SLC44A5: variants seen among roughly 807,000 people sequenced by gnomAD.
SLC44A5 encodes the protein choline transporter-like protein 5.
SLC44A5 carries 57 observed loss-of-function variants against 101.8 expected under a neutral mutation model. The ratio of observed to expected loss-of-function variants is 0.56; its 90% confidence interval spans 0.45 to 0.70. SLC44A5 has a LOEUF of 0.70. Among genes scored for constraint, SLC44A5 ranks in the 30% least tolerant of loss-of-function variants. The pLI, the probability that SLC44A5 is intolerant of heterozygous loss-of-function variation, is 0.00. For missense variants in SLC44A5, 737 were observed against 853.1 expected (o/e 0.86, Z 1.70); for synonymous variants, 281 against 290.9 (o/e 0.97, Z 0.35).
At chr1:75,665,470 T>C in the SLC44A5 span, among the ~76,000 whole-genome samples, 7 of 152,184 alleles carry the variant, frequency 4.6e-5, no homozygotes, top group African/African-American at 1.7e-4. Context: ...GGATGAAATA[T>C]TTAAATGTAA....
At chr1:75,223,765 G>A (rs1647138171) in intron 13 of SLC44A5, among the ~76,000 whole-genome samples, 1 of 152,110 alleles carries the variant, frequency 6.6e-6, no homozygotes, top group Admixed American at 6.5e-5. Flanking sequence ...GGTATACGAA[G>A]ATCTTAGTAA....
chr1:75,251,222 G>T lies in SLC44A5; in HGVS notation c.333C>A (p.Cys111Ter). The change falls in exon 7 of 24, where the codon TGC becomes TGA. Residue 111 changes from cysteine (C) to a stop codon, truncating the protein, a stop_gained. Coordinates refer to ENST00000370859, the MANE Select transcript of SLC44A5 (RefSeq NM_001130058.2). LOFTEE classifies it high-confidence loss of function. ...TSPSVLLNLQ[C>*]PTTQICVSKC... ...CCTTTTGCCTTACCTGTGTGGTAGG[G>T]CACTGTAGGTTTAGCAACACGGAGG... 6.2e-7 allele frequency: 1 copy of T among 1,612,728 alleles called. No individual in the cohort carries two copies. The highest frequency in any genetic ancestry group is 8.5e-7 in the Non-Finnish European group (1 of 1,178,872).
At chr1:75,698,502 T>C in the SLC44A5 span, among the ~76,000 whole-genome samples, 1 of 152,156 alleles carries the variant, frequency 6.6e-6, no homozygotes, top group Non-Finnish European at 1.5e-5. Context: ...AACCCATCTG[T>C]ACATCACCAT....
At chr1:75,218,396 G>A in intron 17 of SLC44A5, 94 bp downstream of exon 17, 1 of 1,477,034 alleles carries the variant, frequency 6.8e-7, no homozygotes, top group Middle Eastern at 1.8e-4. Context: ...GATTTCATTT[G>A]TACCTTGCCA....
At chr1:75,534,027 T>G (rs1670865022) in intron 2 of SLC44A5, among the ~76,000 whole-genome samples, 1 of 152,170 alleles carries the variant, frequency 6.6e-6, no homozygotes, top group Non-Finnish European at 1.5e-5. Context: ...TAAGTGGCTC[T>G]TTTGCCCTGA....
chr1:75,267,798 T>C (rs1651123541), intron 6 of SLC44A5, among the ~76,000 whole-genome samples: 1 of 152,152 alleles, frequency 6.6e-6, no homozygotes, highest in Admixed American at 6.5e-5. Flanking sequence ...CTTGAACTTC[T>C]GGGCTCAAGT....
intron 3 of SLC44A5, among the ~76,000 whole-genome samples, chr1:75,370,892 A>G (rs1483231011): frequency 2.0e-5 from 3 of 152,292 alleles, no homozygotes; most frequent in Admixed American, 2.0e-4. Flanking sequence ...GTCCCTACAA[A>G]CTCTTTAATA....
chr1:75,594,580 A>G (rs1674531945), intron 1 of SLC44A5, among the ~76,000 whole-genome samples: 1 of 152,082 alleles, frequency 6.6e-6, no homozygotes, highest in Non-Finnish European at 1.5e-5. Context: ...CAAAATTATA[A>G]TGAAATCGTC....
chr1:75,476,565 G>T (rs144951415), intron 2 of SLC44A5, among the ~76,000 whole-genome samples: 1 of 152,148 alleles, frequency 6.6e-6, no homozygotes, highest in Admixed American at 6.5e-5. Flanking sequence ...GCGCTTTTCC[G>T]ACAGGCTTAA....
chr1:75,658,373 G>A, the SLC44A5 span, among the ~76,000 whole-genome samples: 2 of 151,650 alleles, frequency 1.3e-5, no homozygotes, highest in Admixed American at 6.6e-5. Context: ...ACTACACTCA[G>A]CCTGGTAAAC....
rs551240214 is a variant in SLC44A5, at chr1:75,387,346, A to T, written c.52+9237T>A. On this transcript the variant is annotated intron_variant, in intron 3 of 23. Coordinates refer to ENST00000370859, the MANE Select transcript of SLC44A5 (RefSeq NM_001130058.2). Reference sequence around the variant, plus strand: ...GGCTAATATCCAGAATCTACAATGAACTCAAACAAATTTACAAGAAAAAAA... The same window carrying T: ...GGCTAATATCCAGAATCTACAATGATCTCAAACAAATTTACAAGAAAAAAA... Among the ~76,000 whole-genome samples the T allele has an allele frequency of 2.8e-5, 4 of 140,446 alleles. No homozygotes were observed. The East Asian group carries it at 6.4e-4, about 22-fold the overall frequency. 92.1% of individuals were successfully genotyped at this position (140,446 alleles called of 152,430 possible).
the SLC44A5 span, among the ~76,000 whole-genome samples, chr1:75,667,684 T>C: frequency 6.6e-6 from 1 of 152,140 alleles, no homozygotes; most frequent in Non-Finnish European, 1.5e-5. Context: ...GTATAGAATA[T>C]CTGAAAGAAT....
chr1:75,629,282 A>C, the SLC44A5 span, among the ~76,000 whole-genome samples: 1 of 152,140 alleles, frequency 6.6e-6, no homozygotes, highest in Admixed American at 6.6e-5. Context: ...GCAAATATGG[A>C]AAGGGAAACA....
At chr1:75,470,456 G>A (rs1309697874) in intron 2 of SLC44A5, among the ~76,000 whole-genome samples, 2 of 152,110 alleles carry the variant, frequency 1.3e-5, no homozygotes, top group Non-Finnish European at 2.9e-5. Context: ...GTAACATAAC[G>A]GTAGAATTTA....
At chr1:75,384,242 A>G (rs192207826) in intron 3 of SLC44A5, among the ~76,000 whole-genome samples, 15 of 152,318 alleles carry the variant, frequency 9.8e-5, no homozygotes, top group African/African-American at 3.1e-4. Flanking sequence ...AAATGCTCCA[A>G]TGGAAAGACA....
At chr1:75,386,624 G>T (rs1661370030) in intron 3 of SLC44A5, among the ~76,000 whole-genome samples, 1 of 152,120 alleles carries the variant, frequency 6.6e-6, no homozygotes, top group Non-Finnish European at 1.5e-5. Flanking sequence ...CGTGAAAATG[G>T]CCATACTGTC....
chr1:75,698,115 A>G, the SLC44A5 span, among the ~76,000 whole-genome samples: 1 of 152,214 alleles, frequency 6.6e-6, no homozygotes, highest in Admixed American at 6.5e-5. Flanking sequence ...TAGGTAAACA[A>G]AGCAGCTTGG....
Position 75,218,714 on chromosome 1 carries a change from C to T in SLC44A5, c.1305G>A (p.Gly435=). The T allele has an allele frequency of 7.4e-6, 12 of 1,613,204 alleles. No individual in the cohort carries two copies. The highest frequency in any genetic ancestry group is 9.3e-6 in the Non-Finnish European group (11 of 1,179,520). Residue 435 remains glycine, a synonymous_variant, in exon 17 of 24, where the codon GGG becomes GGA. Transcript: ENST00000370859. ...CATAGAAAGCAAAGTTACACAGAGC[C>T]CCAGGGCAAGCTTTGGCAATTTCAG... The part of the protein sequence containing the change: ...NTTEIAKACP[G]ALCNFAFYGG...
At chr1:75,440,789 A>G (rs565385713) in intron 2 of SLC44A5, among the ~76,000 whole-genome samples, 1 of 152,234 alleles carries the variant, frequency 6.6e-6, no homozygotes, top group South Asian at 2.1e-4. Context: ...ACATTTTCAC[A>G]TAAGTGATAA....
Sources: allele counts gnomAD v4.1 joint callset (sites outside exome capture counted in the v4.1 genomes callset), GRCh38; gene constraint gnomAD v4.1.1; transcripts MANE v1.5; gene names NCBI Gene and HGNC (gene_info 2026-07-23, HGNC 2026-07-21).